C1QTNF7: variants seen among roughly 807,000 people sequenced by gnomAD.
C1QTNF7 encodes C1q and TNF related 7.
A neutral mutation model predicts 19.6 loss-of-function variants in C1QTNF7; 15 were observed. The observed-to-expected ratio is 0.76, with a 90% CI of 0.51 to 1.18. The LOEUF (loss-of-function observed/expected upper bound fraction) is 1.18. Ranked by LOEUF, C1QTNF7 falls within the 50% of genes most tolerant of loss-of-function variation. The pLI is 0.00. For missense variants in C1QTNF7, 324 were observed against 359.7 expected, an observed-to-expected ratio of 0.90 and a Z score of 0.80; for synonymous variants, 142 against 137.5, an observed-to-expected ratio of 1.03 and a Z score of -0.23.
intron 1 of C1QTNF7, among the ~76,000 whole-genome samples, chr4:15,412,708 T>C (rs1719448860): frequency 6.6e-6 from 1 of 152,184 alleles, no homozygotes; most frequent in Non-Finnish European, 1.5e-5. Flanking sequence ...GGGAGGCTAT[T>C]GCGCAGCTCA....
chr4:15,436,074 C>T, intron 2 of C1QTNF7, 93 bp downstream of exon 2: 1 of 1,489,516 alleles, frequency 6.7e-7, no homozygotes, highest in Non-Finnish European at 9.0e-7. Flanking sequence ...GGGAATTGCT[C>T]CTTAAACCCC....
In C1QTNF7 at chr4:15,377,560, T is replaced by A. The variant is rs139614095; in HGVS notation, c.13+37353T>A. Among the ~76,000 whole-genome samples, 11 of 152,320 alleles carry A rather than the reference T, an allele frequency of 7.2e-5. No homozygotes were observed. In the East Asian group the frequency reaches 1.7e-3, roughly 24 times the overall value. On this transcript the variant is annotated intron_variant, in intron 1 of 2. Coordinates refer to the C1QTNF7 transcript ENST00000295297. ...AACATAGAGTATTTGCTGTGTTGAA[T>A]ATAATATCTTCAAGTTGGTTTCTCT...
At chr4:15,389,346 G>A (rs138046029) in intron 1 of C1QTNF7, among the ~76,000 whole-genome samples, 1 of 152,208 alleles carries the variant, frequency 6.6e-6, no homozygotes, top group African/African-American at 2.4e-5. Flanking sequence ...AGTGAGTTGG[G>A]GTCTACACAA....
chr4:15,340,092 A>C, exon 1 of C1QTNF7: 1 of 1,338,900 alleles, frequency 7.5e-7, no homozygotes. Flanking sequence ...AGCTTCGAAT[A>C]ATAAACACAT....
At chr4:15,348,131 C>G (rs1205665875) in intron 1 of C1QTNF7, among the ~76,000 whole-genome samples, 1 of 152,170 alleles carries the variant, frequency 6.6e-6, no homozygotes, top group Non-Finnish European at 1.5e-5. Context: ...CTCTTTGCCT[C>G]TTTGCTATGG....
chr4:15,370,086 C>T (rs1045636748), intron 1 of C1QTNF7, among the ~76,000 whole-genome samples: 2 of 152,074 alleles, frequency 1.3e-5, no homozygotes, highest in Non-Finnish European at 2.9e-5. Context: ...CTATTGTACT[C>T]ATGTCGATTT....
chr4:15,364,104 T>G (rs574118148), intron 1 of C1QTNF7, among the ~76,000 whole-genome samples: 5 of 152,356 alleles, frequency 3.3e-5, no homozygotes, highest in African/African-American at 9.6e-5. Context: ...ATCTGTATTC[T>G]CTAAACCATC....
intron 1 of C1QTNF7, among the ~76,000 whole-genome samples, chr4:15,379,299 G>T (rs1350264755): frequency 1.3e-5 from 2 of 152,114 alleles, no homozygotes; most frequent in Non-Finnish European, 2.9e-5. Flanking sequence ...TGCTTCTTGG[G>T]ATCCGACACA....
chr4:15,407,421 G>A (rs2108912621), intron 1 of C1QTNF7, among the ~76,000 whole-genome samples: 1 of 152,312 alleles, frequency 6.6e-6, no homozygotes, highest in South Asian at 2.1e-4. Context: ...GTAAAATTTA[G>A]ACCAGCTCTG....
chr4:15,429,708 CTGTT>C (rs1400905817), intron 1 of C1QTNF7, among the ~76,000 whole-genome samples: 1 of 152,100 alleles, frequency 6.6e-6, no homozygotes, highest in African/African-American at 2.4e-5. Context: ...ATGCAAATAT[CTGTT>C]TGAGTCCTTG....
intron 1 of C1QTNF7, among the ~76,000 whole-genome samples, chr4:15,382,953 C>T (rs1038908417): frequency 3.9e-5 from 6 of 152,160 alleles, no homozygotes; most frequent in African/African-American, 1.2e-4. Context: ...CTTACCAAAT[C>T]GGAGGTGATC....
intron 1 of C1QTNF7, among the ~76,000 whole-genome samples, chr4:15,342,152 T>A (rs1716565364): frequency 6.6e-6 from 1 of 152,164 alleles, no homozygotes; most frequent in Non-Finnish European, 1.5e-5. Flanking sequence ...AGGGCGCTGA[T>A]GAGAGAGGCC....
intron 1 of C1QTNF7, among the ~76,000 whole-genome samples, chr4:15,390,645 A>T (rs1484253591): frequency 6.6e-6 from 1 of 152,176 alleles, no homozygotes; most frequent in African/African-American, 2.4e-5. Flanking sequence ...ATAAAATACA[A>T]CTTTCTCCAG....
At chr4:15,419,919 G>A (rs1711669506) in intron 1 of C1QTNF7, 1 of 152,098 alleles carries the variant, frequency 6.6e-6, no homozygotes, top group Non-Finnish European at 1.5e-5. Context: ...TGGTGGGGTG[G>A]TTTTCTTACC....
Position 15,419,736 on chromosome 4 carries a change from T to C in C1QTNF7, c.14-16000T>C, listed in dbSNP as rs901099005. On this transcript the variant is annotated intron_variant, in intron 1 of 2. Transcript: ENST00000295297. ...TATATGAGGTTAAAAAAATAGCATATGTATTTTGATCAAAAAGTGTATATA... is the reference window on the plus strand; with the variant it reads ...TATATGAGGTTAAAAAAATAGCATACGTATTTTGATCAAAAAGTGTATATA... 3.3e-5 allele frequency among the ~76,000 whole-genome samples: 5 copies of C among 152,156 alleles called. No homozygotes were observed. In the South Asian group the frequency reaches 6.2e-4, roughly 19 times the overall value.
chr4:15,384,914 G>C (rs527889912), intron 1 of C1QTNF7, among the ~76,000 whole-genome samples: 2 of 152,274 alleles, frequency 1.3e-5, no homozygotes, highest in South Asian at 4.1e-4. Context: ...CACCATAGCA[G>C]GGAGAAGCAA....
chr4:15,421,174 G>A (rs138961224), intron 1 of C1QTNF7, among the ~76,000 whole-genome samples: 62 of 151,558 alleles, frequency 4.1e-4, no homozygotes, highest in African/African-American at 1.3e-3. Context: ...CAAATAGACC[G>A]AGATGACTGA....
intron 1 of C1QTNF7, among the ~76,000 whole-genome samples, chr4:15,350,215 G>GA: frequency 7.8e-6 from 1 of 128,658 alleles, no homozygotes; most frequent in Non-Finnish European, 1.6e-5. Context: ...GGAAGGAAGG[G>GA]AGGGAAGGAA....
intron 1 of C1QTNF7, among the ~76,000 whole-genome samples, chr4:15,361,981 G>A (rs1577235484): frequency 6.6e-6 from 1 of 152,236 alleles, no homozygotes; most frequent in East Asian, 1.9e-4. Flanking sequence ...TCCCCTCGAG[G>A]GGCAAAAGAG....
Sources: allele counts gnomAD v4.1 joint callset (sites outside exome capture counted in the v4.1 genomes callset), GRCh38; gene constraint gnomAD v4.1.1; transcripts MANE v1.5; gene names NCBI Gene and HGNC (gene_info 2026-07-23, HGNC 2026-07-21).